Variants in HAL observed in about 807,000 individuals in gnomAD.
HAL encodes the protein histidase.
Under a neutral mutation model 81.1 loss-of-function variants are expected in HAL, and 85 were observed. The observed-to-expected ratio is 1.05, with a 90% CI of 0.88 to 1.25. The LOEUF is 1.25. Among genes scored for constraint, HAL ranks in the 50% most tolerant of loss-of-function variants. HAL has a pLI of 0.00. For synonymous variants in HAL, 301 were observed against 309.2 expected, an observed-to-expected ratio of 0.97 and a Z score of 0.28; for missense variants, 798 against 836.6, an observed-to-expected ratio of 0.95 and a Z score of 0.57.
In HAL at chr12:95,980,555, C is replaced by T. The variant is rs145015386; in HGVS notation, c.1519+1G>A. The T allele has an allele frequency of 9.9e-5, 160 of 1,613,048 alleles. No individual in the cohort carries two copies. Among genetic ancestry groups the T allele is most frequent in the Non-Finnish European group, 1.3e-4 (154 of 1,179,818 alleles). ...TTCTGGGAAAGGGGCAGTGTCCTTA[C>T]CAAGGGCTGCTGCCGTGCAGTGAGC... On this transcript the variant is annotated splice_donor_variant, in intron 17 of 20. Transcript: ENST00000261208. LOFTEE classifies it high-confidence loss of function.
At chr12:95,987,946 C>T (rs1175954193) in intron 11 of HAL, among the ~76,000 whole-genome samples, 3 of 151,754 alleles carry the variant, frequency 2.0e-5, no homozygotes, top group African/African-American at 7.3e-5. Flanking sequence ...AGGCTGGTCT[C>T]AAACTCCTGA....
chr12:95,976,696 G>A lies in HAL; in HGVS notation c.1665C>T (p.Ile555=), dbSNP rs139355736. 6.9e-6 allele frequency: 11 copies of A among 1,604,020 alleles called. No individual in the cohort carries two copies. Among genetic ancestry groups the A allele is most frequent in the South Asian group, 2.2e-5 (2 of 90,878 alleles). ...TGCCCTGGCAGGCTGCAAGGAGCTC[G>A]ATGGCCAGCACTGAAACAAGAAATT... ...VIEHVEQVLA[I]ELLAACQGIE... Residue 555 remains isoleucine (I), a synonymous_variant, in exon 19 of 21, where the codon ATC becomes ATT. Transcript: ENST00000261208.
chr12:95,975,378 A>G (rs1335949014), intron 20 of HAL, among the ~76,000 whole-genome samples: 1 of 146,952 alleles, frequency 6.8e-6, no homozygotes, highest in East Asian at 2.0e-4. Flanking sequence ...GCATAACATC[A>G]TCTCAAAGTA....
intron 17 of HAL, among the ~76,000 whole-genome samples, chr12:95,979,406 A>G (rs1206702645): frequency 3.9e-5 from 6 of 152,186 alleles, no homozygotes; most frequent in Non-Finnish European, 2.9e-5. Context: ...CAGGCTTTAT[A>G]TACATCAATT....
chr12:95,988,400 C>T (rs1271285759), intron 10 of HAL, among the ~76,000 whole-genome samples, 160 bp from the exon 11 acceptor site: 1 of 152,112 alleles, frequency 6.6e-6, no homozygotes, highest in Non-Finnish European at 1.5e-5. Flanking sequence ...CTGGTCTATT[C>T]TCTAGTTCTG....
chr12:95,976,504 G>T lies in HAL; in HGVS notation c.1764-6C>A. ...AGCGATCTTTTATCCAGGGCCTACA[G>T]GGAGAGCACATCCGCCCATCAGCCA... is the stretch of plus-strand genomic sequence containing the variant. On this transcript the variant is annotated splice_region_variant and splice_polypyrimidine_tract_variant and intron_variant, in intron 19 of 20. Transcript: ENST00000261208. The T allele has an allele frequency of 6.2e-7, 1 of 1,613,838 alleles. No homozygotes were observed. The highest frequency in any genetic ancestry group is 8.5e-7 in the Non-Finnish European group (1 of 1,179,706).
rs1378740805 is a variant in HAL at position 95,974,186 on chromosome 12, T to C, written c.*46A>G. 1.5e-5 allele frequency: 23 copies of C among 1,569,218 alleles called. No homozygotes were observed. Among genetic ancestry groups the C allele is most frequent in the Non-Finnish European group, 1.9e-5 (22 of 1,139,134 alleles). ...TCTCCTTCAGCCTAGTATTGCTTTGTGCTAAACTGACTGCCCTCTCATCTG... is the reference window on the plus strand; with the variant it reads ...TCTCCTTCAGCCTAGTATTGCTTTGCGCTAAACTGACTGCCCTCTCATCTG... On this transcript the variant is annotated 3_prime_UTR_variant, in exon 21 of 21. Transcript: ENST00000261208.
intron 18 of HAL, among the ~76,000 whole-genome samples, chr12:95,977,622 G>A (rs1316012139): frequency 1.5e-5 from 2 of 130,116 alleles, no homozygotes; most frequent in African/African-American, 6.5e-5. Flanking sequence ...CAGCCTGGGT[G>A]GCAGATAGAG....
chr12:95,987,291 GCTTT>G, intron 11 of HAL, 77 bp from the exon 12 acceptor site: 2 of 1,250,412 alleles, frequency 1.6e-6, no homozygotes, highest in Non-Finnish European at 2.4e-6. Flanking sequence ...TGTATCTTTT[GCTTT>G]CATAAGAGAA....
rs1332006109 is a variant in HAL at position 95,994,083 on chromosome 12, C to T, written c.411+7G>A. 2.5e-6 allele frequency: 4 copies of T among 1,610,478 alleles called. No homozygotes were observed. Among genetic ancestry groups the T allele is most frequent in the Non-Finnish European group, 2.5e-6 (3 of 1,176,686 alleles). ...CCAGAGGACATCTTTCCCCTCCCTCCCCATACCTTTATTTTGTAGCGTCCC... is the reference window on the plus strand; with the variant it reads ...CCAGAGGACATCTTTCCCCTCCCTCTCCATACCTTTATTTTGTAGCGTCCC... On this transcript the variant is annotated splice_region_variant and intron_variant, in intron 5 of 20. Coordinates refer to ENST00000261208, the MANE Select transcript of HAL (RefSeq NM_002108.4).
At chr12:95,991,610 C>G (rs559382855) in intron 9 of HAL, among the ~76,000 whole-genome samples, 1 of 152,168 alleles carries the variant, frequency 6.6e-6, no homozygotes, top group Non-Finnish European at 1.5e-5. Flanking sequence ...AATCAGATTC[C>G]TGACAGCAGC....
Position 95,973,904 on chromosome 12 carries a change from C to A in HAL, c.*328G>T, listed in dbSNP as rs1020035679. 1.4e-4 allele frequency: 32 copies of A among 225,530 alleles called. No homozygotes were observed. The highest frequency in any genetic ancestry group is 7.3e-4 in the African/African-American group (32 of 43,998). The allele number at this position is 225,530 out of a possible 1,614,324, so 14.0% of individuals were successfully genotyped here. On this transcript the variant is annotated 3_prime_UTR_variant, in exon 21 of 21. Transcript: ENST00000261208. Reference sequence around the variant, plus strand: ...AATCTGTTTCCAAATTTGAATTCATCTAATGCTAAGAGTAAAAAACAGGCA... The same window carrying A: ...AATCTGTTTCCAAATTTGAATTCATATAATGCTAAGAGTAAAAAACAGGCA...
rs532594213 is a variant in HAL at position 95,973,439 on chromosome 12, G to C, written c.*793C>G. The stretch of plus-strand genomic sequence containing the variant: ...ATTCCTTATCTGTGAAATGAGGAAG[G>C]TTACAATAAGAATGTGAATAGAGTA... On this transcript the variant is annotated 3_prime_UTR_variant, in exon 21 of 21. Transcript: ENST00000261208. 6.6e-6 allele frequency: 1 copy of C among 152,134 alleles called. No individual in the cohort carries two copies. Among genetic ancestry groups the C allele is most frequent in the Non-Finnish European group, 1.5e-5 (1 of 68,016 alleles). The allele number at this position is 152,134 out of a possible 1,614,324, so 9.4% of individuals were successfully genotyped here.
chr12:95,980,513 A>G (rs1248927814), intron 17 of HAL, 43 bp downstream of exon 17: 2 of 1,589,674 alleles, frequency 1.3e-6, no homozygotes, highest in East Asian at 4.5e-5. Context: ...AAAGACCCTT[A>G]GATGGACGGG....
chr12:95,985,964 T>C lies in HAL; in HGVS notation c.1150A>G (p.Ser384Gly). The C allele has an allele frequency of 6.2e-7, 1 of 1,609,496 alleles. No homozygotes were observed. Among genetic ancestry groups the C allele is most frequent in the Non-Finnish European group, 8.5e-7 (1 of 1,175,872 alleles). Residue 384 changes from serine (S) to glycine (G), a missense_variant and splice_region_variant, in exon 14 of 21, where the codon AGT (serine) becomes GGT (glycine). Ser to Gly is a moderately conservative substitution (Grantham distance 56). Transcript: ENST00000261208. ...SDHHPSEIAE[S>G]HRFCDRVQDA... ...TGGACGCGATCACAGAACCTGTGAC[T>C]CTCTGTGGAAGAGGTGGAGGGGATG...
chr12:95,988,436 T>C (rs976799273), intron 10 of HAL, among the ~76,000 whole-genome samples, 196 bp from the exon 11 acceptor site: 13 of 152,114 alleles, frequency 8.5e-5, no homozygotes, highest in Non-Finnish European at 1.8e-4. Context: ...AGCAGACTTA[T>C]CTTTCAATTA....
chr12:95,991,590 T>C (rs1164031410), intron 9 of HAL, among the ~76,000 whole-genome samples: 1 of 152,234 alleles, frequency 6.6e-6, no homozygotes, highest in Non-Finnish European at 1.5e-5. Context: ...GCTTCATTTT[T>C]CTGAAATAAA....
chr12:95,976,778 A>G (rs1292047395), intron 18 of HAL, 72 bp from the exon 19 acceptor site: 40 of 930,506 alleles, frequency 4.3e-5, no homozygotes, highest in Middle Eastern at 3.1e-4. Context: ...GGATTTCCCA[A>G]AGTTGACACC....
At chr12:95,978,385 G>A (rs569289232) in intron 17 of HAL, among the ~76,000 whole-genome samples, 1 of 152,298 alleles carries the variant, frequency 6.6e-6, no homozygotes, top group East Asian at 1.9e-4. Flanking sequence ...GAGACTAGGG[G>A]AGAAAGAGAC....
Sources: gnomAD v4.1 joint callset for allele counts (sites outside exome capture counted in the v4.1 genomes callset) on GRCh38, gnomAD v4.1.1 for gene constraint, MANE v1.5 for transcripts, NCBI Gene and HGNC (gene_info 2026-07-23, HGNC 2026-07-21) for gene names.